Variants in CSMD1 observed in about 807,000 individuals in gnomAD.
The protein encoded by CSMD1 is CUB and Sushi multiple domains 1.
Under a neutral mutation model 417.5 loss-of-function variants are expected in CSMD1, and 213 were observed. The ratio of observed to expected loss-of-function variants is 0.51; its 90% CI spans 0.46 to 0.57. The LOEUF is 0.57. CSMD1 is among the 20% of genes least tolerant of loss of function. The pLI is 0.00. For missense variants in CSMD1, 6,923 were observed against 4,529.7 expected (o/e 1.53, Z -15.17); for synonymous variants, 2,862 against 1,736.8 (o/e 1.65, Z -16.11).
intron 10 of CSMD1, among the ~76,000 whole-genome samples, chr8:3,545,590 T>G (rs1221805113): frequency 6.6e-6 from 1 of 152,154 alleles, no homozygotes; most frequent in African/African-American, 2.4e-5. Context: ...TGAAGGCTAC[T>G]TATCATGGGC....
intron 3 of CSMD1, among the ~76,000 whole-genome samples, chr8:4,169,035 T>A (rs1017600353): frequency 1.3e-4 from 20 of 152,270 alleles, no homozygotes; most frequent in African/African-American, 4.8e-4. Flanking sequence ...CAGTTGCTGG[T>A]TTCTTCTTTT....
intron 6 of CSMD1, among the ~76,000 whole-genome samples, chr8:3,710,263 T>C (rs552884766): frequency 5.9e-5 from 9 of 152,252 alleles, no homozygotes; most frequent in African/African-American, 2.2e-4. Flanking sequence ...AGTTTAAACC[T>C]ATGCTGCTCA....
chr8:3,936,298 T>C (rs951437190), intron 5 of CSMD1, among the ~76,000 whole-genome samples: 1 of 152,086 alleles, frequency 6.6e-6, no homozygotes, highest in African/African-American at 2.4e-5. Context: ...GTGACGAAGG[T>C]GGCTACACTA....
intron 5 of CSMD1, among the ~76,000 whole-genome samples, chr8:3,929,742 A>G (rs1042842153): frequency 1.3e-5 from 2 of 149,892 alleles, no homozygotes; most frequent in East Asian, 3.9e-4. Flanking sequence ...GCTCACTGCA[A>G]CCTCAGCCTC....
At chr8:4,191,024 C>G (rs1197666393) in intron 3 of CSMD1, among the ~76,000 whole-genome samples, 1 of 152,072 alleles carries the variant, frequency 6.6e-6, no homozygotes, top group African/African-American at 2.4e-5. Flanking sequence ...ATGAAGTCAT[C>G]TGTGCAACAA....
At chr8:3,592,530 G>C (rs1176083792) in intron 8 of CSMD1, among the ~76,000 whole-genome samples, 1 of 152,084 alleles carries the variant, frequency 6.6e-6, no homozygotes, top group East Asian at 1.9e-4. Context: ...GGATGGCATG[G>C]GGGCAGTAGC....
At chr8:3,767,434 G>A (rs1798338697) in intron 5 of CSMD1, among the ~76,000 whole-genome samples, 1 of 152,118 alleles carries the variant, frequency 6.6e-6, no homozygotes, top group African/African-American at 2.4e-5. Context: ...TGTGAATAAC[G>A]ATATGTGCTA....
rs375374988 is a variant in CSMD1 at position 3,335,091 on chromosome 8, A to G, written c.3631+8203T>C. Among the ~76,000 whole-genome samples, 6 of 152,296 alleles carry G rather than the reference A, an allele frequency of 3.9e-5. No homozygotes were observed. In the South Asian group the frequency reaches 6.2e-4, roughly 16 times the overall value. On this transcript the variant is annotated intron_variant, in intron 23 of 69. Transcript: ENST00000635120. ...TATAGCTATGACTCATGAAACCGAG[A>G]GGAGCCCAGGACCCTGGAGGTGCCT...
intron 2 of CSMD1, among the ~76,000 whole-genome samples, chr8:4,510,084 G>C (rs1173012431): frequency 5.3e-5 from 8 of 152,022 alleles, no homozygotes; most frequent in Non-Finnish European, 1.2e-4. Context: ...TAACTTGATA[G>C]TGAATAAGTC....
rs138856594 is a variant in CSMD1 at position 3,881,631 on chromosome 8, AAAACAAAC to A, written c.818+116264_818+116271del. On this transcript the variant is annotated intron_variant, in intron 5 of 69. Transcript: ENST00000635120. The stretch of plus-strand genomic sequence containing the variant: ...CTCAAAAAAAAAAAAAACAAAAACA[AAAACAAAC>A]AAACAAACAAAAACCAACAACAACA... Among the ~76,000 whole-genome samples, 19 of 148,466 alleles carry A rather than the reference AAAACAAAC, an allele frequency of 1.3e-4. No homozygotes were observed. The East Asian group carries it at 2.4e-3, about 19-fold the overall frequency.
intron 1 of CSMD1, among the ~76,000 whole-genome samples, chr8:4,992,870 G>T (rs1223029497): frequency 1.3e-5 from 2 of 152,192 alleles, no homozygotes; most frequent in Admixed American, 6.5e-5. Context: ...CACTGTTTGC[G>T]ATCCCCGAGA....
intron 3 of CSMD1, among the ~76,000 whole-genome samples, chr8:4,130,699 G>T (rs773632112): frequency 2.0e-5 from 3 of 149,324 alleles, no homozygotes; most frequent in Non-Finnish European, 4.4e-5. Context: ...AATTTTGGAG[G>T]GGAGTAGATA....
intron 10 of CSMD1, among the ~76,000 whole-genome samples, chr8:3,522,288 G>A (rs956513082): frequency 2.0e-5 from 3 of 151,960 alleles, no homozygotes; most frequent in African/African-American, 7.3e-5. Flanking sequence ...CTTTTTATTG[G>A]CAACTACGAA....
chr8:2,988,818 G>C (rs542625203), intron 54 of CSMD1, among the ~76,000 whole-genome samples: 7 of 152,274 alleles, frequency 4.6e-5, no homozygotes, highest in South Asian at 2.1e-4. Flanking sequence ...GGGCTGGATA[G>C]AGCTGCATCC....
Position 2,973,237 on chromosome 8 carries a change from C to A in CSMD1, c.8803G>T (p.Asp2935Tyr), listed in dbSNP as rs779047676. 5.6e-6 allele frequency: 9 copies of A among 1,613,934 alleles called. No individual in the cohort carries two copies. Among genetic ancestry groups the A allele is most frequent in the Non-Finnish European group, 7.6e-6 (9 of 1,179,856 alleles). ...TPAHGSRLGD[D>Y]FKTKSLLRFS... ...CGGAGAAGACTCTTTGTCTTAAAGT[C>A]ATCACCAAGCCGAGACCCATGTGCT... Residue 2935 changes from aspartate to tyrosine, a missense_variant, in exon 57 of 70, where the codon GAC (aspartate) becomes TAC (tyrosine). By Grantham distance (160) the Asp-to-Tyr change is radical (BLOSUM62 -3). Transcript: ENST00000635120.
chr8:4,454,033 G>C (rs7834629), intron 2 of CSMD1, among the ~76,000 whole-genome samples: 1 of 151,260 alleles, frequency 6.6e-6, no homozygotes, highest in Non-Finnish European at 1.5e-5. Flanking sequence ...CGTGTTAGCC[G>C]GGATGGTCTC....
chr8:3,727,540 T>C (rs1481302717), intron 6 of CSMD1, among the ~76,000 whole-genome samples: 1 of 152,142 alleles, frequency 6.6e-6, no homozygotes, highest in African/African-American at 2.4e-5. Context: ...GCAGCTGTCG[T>C]GAAAAAACAG....
At chr8:3,414,579 A>C (rs1813011968) in intron 12 of CSMD1, among the ~76,000 whole-genome samples, 1 of 152,108 alleles carries the variant, frequency 6.6e-6, no homozygotes, top group South Asian at 2.1e-4. Context: ...CTCAAACTCC[A>C]GTGCTAAGGA....
chr8:3,978,228 C>T (rs911379094), intron 5 of CSMD1, among the ~76,000 whole-genome samples: 1 of 152,174 alleles, frequency 6.6e-6, no homozygotes, highest in African/African-American at 2.4e-5. Flanking sequence ...CTAGGATTCC[C>T]AGCGCCTGGC....
Sources: gnomAD v4.1 joint callset for allele counts (sites outside exome capture counted in the v4.1 genomes callset) on GRCh38, gnomAD v4.1.1 for gene constraint, MANE v1.5 for transcripts, NCBI Gene and HGNC (gene_info 2026-07-23, HGNC 2026-07-21) for gene names.